Variants in EIF2AK2 observed in about 807,000 individuals in gnomAD.
EIF2AK2 encodes eukaryotic translation initiation factor 2 alpha kinase 2.
EIF2AK2 carries 40 observed loss-of-function variants against 70.5 expected under a neutral mutation model. That is an observed-to-expected ratio of 0.57 (90% CI 0.44 to 0.74). EIF2AK2 has a LOEUF of 0.74. Among genes scored for constraint, EIF2AK2 ranks in the 30% least tolerant of loss-of-function variants. The pLI, the probability that EIF2AK2 is intolerant of heterozygous loss-of-function variation, is 0.00. For synonymous variants in EIF2AK2, 198 were observed against 220.9 expected, an observed-to-expected ratio of 0.90 and a Z score of 0.92; for missense variants, 555 against 644.3, an observed-to-expected ratio of 0.86 and a Z score of 1.50.
intron 10 of EIF2AK2, among the ~76,000 whole-genome samples, chr2:37,132,321 G>A (rs563099668): frequency 0.1 from 14 of 136 alleles, no homozygotes; most frequent in African/African-American, 0.3. Flanking sequence ...GGCCAGGTGC[G>A]GTAGTCACGC....
At chr2:37,109,336 A>T in intron 14 of EIF2AK2, 41 bp from the exon 15 acceptor site, 1 of 1,563,316 alleles carries the variant, frequency 6.4e-7, no homozygotes, top group Non-Finnish European at 8.8e-7. Context: ...TATGCTCCTT[A>T]CATAAATATC....
chr2:37,120,051 G>C lies in EIF2AK2; in HGVS notation c.1156C>G (p.Leu386Val). The C allele has an allele frequency of 6.4e-7, 1 of 1,565,132 alleles. No homozygotes were observed. Among genetic ancestry groups the C allele is most frequent in the Non-Finnish European group, 8.7e-7 (1 of 1,152,388 alleles). The change falls in exon 13 of 17, where the codon CTA (leucine) becomes GTA (valine). Residue 386 changes from leucine (L) to valine (V), a missense_variant. Leu to Val is a conservative substitution (Grantham distance 32). Around this residue, in one of 3 missense-constraint regions of EIF2AK2, gnomAD observed 299 missense variants for 375.4 expected, o/e 0.80. Coordinates refer to ENST00000233057, the MANE Select transcript of EIF2AK2 (RefSeq NM_001135651.3). ...AGTTCCAAAGCCAAAACTTTGTCTA[G>C]TTTCTCGCCTCTTCTTTTTTCAATC... ...QWIEKRRGEK[L>V]DKVLALELFE...
intron 14 of EIF2AK2, among the ~76,000 whole-genome samples, chr2:37,111,999 GATTGCCCCC>G (rs1674179091): frequency 6.8e-6 from 1 of 146,366 alleles, no homozygotes; most frequent in African/African-American, 2.5e-5. Context: ...TAGGTTGTAT[GATTGCCCCC>G]AATGCTGCAC....
intron 1 of EIF2AK2, 157 bp from the exon 2 acceptor site, chr2:37,149,180 T>C (rs1675658823): frequency 2.0e-5 from 21 of 1,070,404 alleles, no homozygotes; most frequent in Non-Finnish European, 3.1e-5. Context: ...AGGATGTTTC[T>C]ATGCTTGTCG....
rs1673790727 is a variant in EIF2AK2, at chr2:37,100,085, T to C, written c.*7188A>G. 1 of 152,010 alleles carries C rather than the reference T, an allele frequency of 6.6e-6. No homozygotes were observed. The highest frequency in any genetic ancestry group is 1.5e-5 in the Non-Finnish European group (1 of 67,960). 9.4% of individuals were successfully genotyped at this position (152,010 alleles called of 1,614,324 possible). On this transcript the variant is annotated 3_prime_UTR_variant, in exon 17 of 17. Coordinates refer to ENST00000233057, the MANE Select transcript of EIF2AK2 (RefSeq NM_001135651.3). Reference sequence around the variant, plus strand: ...TAGTAAACACTACTGAATTGTATACTGTATAGGTGAATTGTATGGCATGTG... The same window carrying C: ...TAGTAAACACTACTGAATTGTATACCGTATAGGTGAATTGTATGGCATGTG...
intron 4 of EIF2AK2, among the ~76,000 whole-genome samples, chr2:37,142,418 C>T (rs1675367257): frequency 6.6e-6 from 1 of 152,148 alleles, no homozygotes; most frequent in Non-Finnish European, 1.5e-5. Context: ...GAGGTGTGAG[C>T]CACCACACCC....
chr2:37,135,573 CTCA>C (rs761532104), intron 9 of EIF2AK2, 27 bp from the exon 10 acceptor site: 2 of 1,573,420 alleles, frequency 1.3e-6, no homozygotes, highest in African/African-American at 2.7e-5. Flanking sequence ...GAATGTAAAA[CTCA>C]AATAAAATTG....
chr2:37,120,373 C>T (rs569232937), intron 12 of EIF2AK2, among the ~76,000 whole-genome samples: 92 of 151,372 alleles, frequency 6.1e-4, no homozygotes, highest in African/African-American at 2.1e-3. Flanking sequence ...GGCGTGGTGG[C>T]GGGCGCCTGT....
At chr2:37,107,675 T>C (rs1416461289) in intron 15 of EIF2AK2, 148 bp from the exon 16 acceptor site, 2 of 748,452 alleles carry the variant, frequency 2.7e-6, no homozygotes, top group Non-Finnish European at 4.3e-6. Flanking sequence ...GGATTCCCTC[T>C]CTCCTACACT....
Position 37,153,966 on chromosome 2 carries a change from A to G in EIF2AK2, c.-184+2942T>C, listed in dbSNP as rs1327001313. 3.3e-5 allele frequency among the ~76,000 whole-genome samples: 5 copies of G among 152,216 alleles called. No homozygotes were observed. In the East Asian group the frequency reaches 9.6e-4, roughly 29 times the overall value. On this transcript the variant is annotated intron_variant, in intron 1 of 16. Transcript: ENST00000233057. ...TGCACGAGGGTTCTAATTTCTCCAC[A>G]TCCTCACCATCACTTGTTATTATCT...
At chr2:37,122,811 C>T in intron 11 of EIF2AK2, 147 bp from the exon 12 acceptor site, 1 of 1,018,302 alleles carries the variant, frequency 9.8e-7, no homozygotes, top group East Asian at 2.6e-5. Flanking sequence ...GAAGCCAGGA[C>T]ATTCAAAAGG....
chr2:37,117,563 C>A (rs1573004769), intron 13 of EIF2AK2, among the ~76,000 whole-genome samples: 2 of 152,080 alleles, frequency 1.3e-5, no homozygotes, highest in South Asian at 4.1e-4. Context: ...AACAATAATG[C>A]CACATTTTGT....
At chr2:37,132,308 C>G (rs1674970831) in intron 10 of EIF2AK2, among the ~76,000 whole-genome samples, 1 of 59,444 alleles carries the variant, frequency 1.7e-5, no homozygotes, top group Non-Finnish European at 3.2e-5. Flanking sequence ...AAAAACAACT[C>G]TTGGCCAGGT....
intron 12 of EIF2AK2, among the ~76,000 whole-genome samples, chr2:37,121,496 T>G (rs1298948985): frequency 6.6e-6 from 1 of 151,924 alleles, no homozygotes; most frequent in Non-Finnish European, 1.5e-5. Flanking sequence ...ACTATATCCT[T>G]GCCGTCACGG....
In EIF2AK2 at chr2:37,151,979, T is replaced by C. The variant is rs562741990; in HGVS notation, c.-183-2956A>G. Among the ~76,000 whole-genome samples, 361 of 152,352 alleles carry C rather than the reference T, an allele frequency of 2.4e-3. 1 individual carries two copies. The highest frequency in any genetic ancestry group is 7.7e-3 in the African/African-American group (321 of 41,596). On this transcript the variant is annotated intron_variant, in intron 1 of 16. Coordinates refer to ENST00000233057, the MANE Select transcript of EIF2AK2 (RefSeq NM_001135651.3). ...TACTCGCGAGGCTGAGGCAGGAGAA[T>C]GGCGTGAACCCGGCAGGCGGAGCTT... is the stretch of plus-strand genomic sequence containing the variant.
chr2:37,144,933 C>A (rs1675475318), intron 4 of EIF2AK2, among the ~76,000 whole-genome samples: 1 of 151,958 alleles, frequency 6.6e-6, no homozygotes, highest in Non-Finnish European at 1.5e-5. Flanking sequence ...GTCACCCAGG[C>A]TGGAGTACAG....
chr2:37,151,254 C>A (rs1217099421), intron 1 of EIF2AK2, among the ~76,000 whole-genome samples: 1 of 151,986 alleles, frequency 6.6e-6, no homozygotes. Flanking sequence ...AACAAAAAGA[C>A]AAACCACCCA....
chr2:37,122,676 G>T lies in EIF2AK2; in HGVS notation c.909-12C>A. Reference sequence around the variant, plus strand: ...CACGCTCCGCCTTCCTAGTTAAAAGGAACAGGGAACATGGCAGTGTCAGTG... The same window carrying T: ...CACGCTCCGCCTTCCTAGTTAAAAGTAACAGGGAACATGGCAGTGTCAGTG... On this transcript the variant is annotated splice_polypyrimidine_tract_variant and intron_variant, in intron 11 of 16. Transcript: ENST00000233057. The T allele has an allele frequency of 1.2e-6, 2 of 1,614,020 alleles. No individual in the cohort carries two copies. Among genetic ancestry groups the T allele is most frequent in the South Asian group, 2.2e-5 (2 of 91,028 alleles).
At position 37,107,340 on chromosome 2, in the gene EIF2AK2, G is replaced by C; in HGVS notation, c.1589C>G (p.Ser530Cys). Reference sequence around the variant, plus strand: ...CACAGTCAAGGTCCTTAGTATTTCAGATGTGTTAGGTCGATCCTCAGGTTT... The same window carrying C: ...CACAGTCAAGGTCCTTAGTATTTCACATGTGTTAGGTCGATCCTCAGGTTT... ...SKKPEDRPNT[S>C]EILRTLTVWK... The change falls in exon 17 of 17, where the codon TCT (serine) becomes TGT (cysteine). Residue 530 changes from serine (S) to cysteine (C), a missense_variant. Around this residue, in one of 3 missense-constraint regions of EIF2AK2, gnomAD observed 299 missense variants for 375.4 expected, o/e 0.80. Coordinates refer to ENST00000233057, the MANE Select transcript of EIF2AK2 (RefSeq NM_001135651.3). 2.5e-6 allele frequency: 4 copies of C among 1,613,998 alleles called. No homozygotes were observed. The highest frequency in any genetic ancestry group is 3.4e-6 in the Non-Finnish European group (4 of 1,179,980).
Sources: allele counts gnomAD v4.1 joint callset (sites outside exome capture counted in the v4.1 genomes callset), GRCh38; gene constraint gnomAD v4.1.1; regional missense constraint gnomAD v4.1.1; transcripts MANE v1.5; gene names NCBI Gene and HGNC (gene_info 2026-07-23, HGNC 2026-07-21).